The following ANAPC1 variants were observed in gnomAD, a reference collection of about 807,000 sequenced individuals.
The protein encoded by ANAPC1 is anaphase-promoting complex subunit 1.
Under a neutral mutation model 208.0 loss-of-function variants are expected in ANAPC1, and 36 were observed. That is an observed-to-expected ratio of 0.17 (90% confidence interval 0.13 to 0.23). The LOEUF is 0.23. Among genes scored for constraint, ANAPC1 ranks in the 10% least tolerant of loss-of-function variants. The probability of loss-of-function intolerance (pLI) is 1.00; values close to 1 mark genes in which losing one functional copy is unlikely to be tolerated. For missense variants in ANAPC1, 942 were observed against 2,011.6 expected (o/e 0.47, Z 10.17); for synonymous variants, 378 against 695.2 (o/e 0.54, Z 7.18).
At chr2:111,859,556 C>T (rs902095639) in intron 10 of ANAPC1, among the ~76,000 whole-genome samples, 30 of 152,132 alleles carry the variant, frequency 2.0e-4, no homozygotes, top group African/African-American at 6.3e-4. Flanking sequence ...ATTCAACTTA[C>T]AAATAAGTTA....
At chr2:111,847,236 G>T (rs1486283189) in intron 15 of ANAPC1, 38 bp from the exon 16 acceptor site, 9 of 1,515,850 alleles carry the variant, frequency 5.9e-6, no homozygotes, top group Non-Finnish European at 8.2e-6. Flanking sequence ...TAAAATCTGT[G>T]CATTCTAAGT....
At chr2:111,777,827 C>A (rs1322342418) in intron 45 of ANAPC1, among the ~76,000 whole-genome samples, 7 of 152,208 alleles carry the variant, frequency 4.6e-5, no homozygotes, top group African/African-American at 1.7e-4. Flanking sequence ...AGCTTTTTAG[C>A]AAATTATTTT....
At chr2:111,795,394 A>T (rs1291768969) in intron 34 of ANAPC1, among the ~76,000 whole-genome samples, 3 of 147,680 alleles carry the variant, frequency 2.0e-5, no homozygotes, top group Non-Finnish European at 4.5e-5. Context: ...AAAAAAAAAT[A>T]ATAATAATAA....
At chr2:111,841,792 G>C (rs148160718) in intron 17 of ANAPC1, among the ~76,000 whole-genome samples, 3,297 of 152,116 alleles carry the variant, frequency 0.022, 110 homozygotes, top group African/African-American at 0.074. Flanking sequence ...CATAGACAAA[G>C]GACATGAAAT....
rs1270133065 is a variant in ANAPC1, at chr2:111,800,142, G to A, written c.4296+655C>T. Among the ~76,000 whole-genome samples the A allele has an allele frequency of 5.5e-5, 7 of 126,772 alleles. 2 individuals are homozygous for A. The highest frequency in any genetic ancestry group is 1.8e-4 in the African/African-American group (6 of 33,508). The allele number at this position is 126,772 out of a possible 152,430, so 83.2% of individuals were successfully genotyped here. On this transcript the variant is annotated intron_variant, in intron 34 of 47. Coordinates refer to ENST00000341068, the MANE Select transcript of ANAPC1 (RefSeq NM_022662.4). Reference sequence around the variant, plus strand: ...GAGGAATAGATAAGTGGATAGATAAGTGATGAAACATGTTTATACAGTAAA... The same window carrying A: ...GAGGAATAGATAAGTGGATAGATAAATGATGAAACATGTTTATACAGTAAA...
chr2:111,867,180 C>T (rs762733147), intron 7 of ANAPC1, among the ~76,000 whole-genome samples: 2 of 151,988 alleles, frequency 1.3e-5, no homozygotes, highest in Non-Finnish European at 2.9e-5. Flanking sequence ...ATCCCAGCTA[C>T]TTGGGAGGCT....
At chr2:111,840,142 G>A (rs1680683331) in intron 17 of ANAPC1, among the ~76,000 whole-genome samples, 1 of 152,096 alleles carries the variant, frequency 6.6e-6, no homozygotes, top group South Asian at 2.1e-4. Context: ...AAATGCAACT[G>A]TTCCTACAAT....
intron 23 of ANAPC1, 29 bp from the exon 24 acceptor site, chr2:111,825,065 A>G (rs148737841): frequency 6.2e-7 from 1 of 1,613,910 alleles, no homozygotes; most frequent in South Asian, 1.1e-5. Flanking sequence ...TAAAGTTATT[A>G]AGCAGAACAG....
At chr2:111,875,158 G>A (rs955065546) in intron 3 of ANAPC1, among the ~76,000 whole-genome samples, 4 of 152,190 alleles carry the variant, frequency 2.6e-5, no homozygotes, top group African/African-American at 9.7e-5. Flanking sequence ...ATCTGCATTT[G>A]CCTAATGATT....
intron 10 of ANAPC1, 129 bp downstream of exon 10, chr2:111,862,260 A>C: frequency 1.1e-6 from 1 of 919,798 alleles, no homozygotes. Flanking sequence ...GCCTTAATAC[A>C]TATCTCTATA....
At chr2:111,801,249 C>T (rs1344557013) in intron 33 of ANAPC1, among the ~76,000 whole-genome samples, 7 of 150,956 alleles carry the variant, frequency 4.6e-5, no homozygotes, top group African/African-American at 1.7e-4. Context: ...CCTAGCTACT[C>T]AGGAGGCTGA....
rs574397098 is a variant in ANAPC1, at chr2:111,859,467, A to C, written c.1263-1066T>G. On this transcript the variant is annotated intron_variant, in intron 10 of 47. Transcript: ENST00000341068. ...GCCCGGGCAACAAGAGCGAAACTCTATCTCAATAAATAAATAAATAAATAA... is the reference window on the plus strand; with the variant it reads ...GCCCGGGCAACAAGAGCGAAACTCTCTCTCAATAAATAAATAAATAAATAA... 1.5e-3 allele frequency among the ~76,000 whole-genome samples: 220 copies of C among 150,326 alleles called. 1 individual carries two copies. The highest frequency in any genetic ancestry group is 5.5e-3 in the African/African-American group (217 of 39,806).
intron 22 of ANAPC1, among the ~76,000 whole-genome samples, chr2:111,825,384 T>G (rs982208877): frequency 6.6e-6 from 1 of 152,192 alleles, no homozygotes; most frequent in Admixed American, 6.5e-5. Flanking sequence ...AATCCGTGCA[T>G]GCTCAAGTCC....
chr2:111,883,991 G>A lies in ANAPC1; in HGVS notation c.-74C>T, dbSNP rs188388791. 5.0e-3 allele frequency: 764 copies of A among 152,582 alleles called. 1 individual carries two copies. The highest frequency in any genetic ancestry group is 7.1e-3 in the Non-Finnish European group (483 of 68,218). The allele number at this position is 152,582 out of a possible 1,614,324, so 9.5% of individuals were successfully genotyped here. A position where few individuals can be genotyped will look rare whatever the true frequency, so the allele number is the denominator to read the frequency against. On this transcript the variant is annotated 5_prime_UTR_variant, in exon 1 of 48. Transcript: ENST00000341068. ...CGCGGCGAGCCCCGGCTGCTCCCCG[G>A]AGGCGCAGGGGCCGAGGAGGCCCGA... is the stretch of plus-strand genomic sequence containing the variant.
intron 12 of ANAPC1, 44 bp downstream of exon 12, chr2:111,856,752 C>G: frequency 6.2e-7 from 1 of 1,613,342 alleles, no homozygotes; most frequent in Non-Finnish European, 8.5e-7. Flanking sequence ...ACTGAAAAAT[C>G]TGTTGAAGCG....
chr2:111,781,545 A>G (rs1677274875), intron 43 of ANAPC1, among the ~76,000 whole-genome samples: 1 of 152,278 alleles, frequency 6.6e-6, no homozygotes, highest in Admixed American at 6.5e-5. Flanking sequence ...CCGTACTTGG[A>G]AGAACAAAGG....
intron 20 of ANAPC1, 111 bp from the exon 21 acceptor site, chr2:111,831,545 A>G (rs1218508817): frequency 1.0e-6 from 1 of 989,690 alleles, no homozygotes; most frequent in Non-Finnish European, 1.5e-6. Flanking sequence ...AACAACTAGA[A>G]TAATATTTTT....
intron 32 of ANAPC1, chr2:111,802,886 G>C (rs1573357676): frequency 4.4e-6 from 1 of 228,158 alleles, no homozygotes; most frequent in East Asian, 1.3e-4. Flanking sequence ...CTTAGAATTT[G>C]TTTTTAATTA....
intron 34 of ANAPC1, among the ~76,000 whole-genome samples, chr2:111,795,410 A>G (rs1678114747): frequency 6.7e-6 from 1 of 149,234 alleles, no homozygotes; most frequent in Non-Finnish European, 1.5e-5. Flanking sequence ...AATAATAATT[A>G]AATAGGGCTG....
Sources: gnomAD v4.1 joint callset for allele counts (sites outside exome capture counted in the v4.1 genomes callset) on GRCh38, gnomAD v4.1.1 for gene constraint, MANE v1.5 for transcripts, NCBI Gene and HGNC (gene_info 2026-07-23, HGNC 2026-07-21) for gene names.